Variants in QRICH1 observed in about 807,000 individuals in gnomAD.
The protein encoded by QRICH1 is glutamine rich 1.
Under a neutral mutation model 87.1 loss-of-function variants are expected in QRICH1, and 16 were observed. The observed-to-expected ratio is 0.18, with a 90% confidence interval of 0.12 to 0.28. The LOEUF is 0.28. QRICH1 is among the 10% of genes least tolerant of loss of function. QRICH1 has a pLI of 1.00. For synonymous variants in QRICH1, 367 were observed against 368.4 expected, an observed-to-expected ratio of 1.00 and a Z score of 0.05; for missense variants, 647 against 951.7, an observed-to-expected ratio of 0.68 and a Z score of 4.21.
intron 2 of QRICH1, among the ~76,000 whole-genome samples, chr3:49,073,310 G>T (rs1382393045): frequency 1.3e-5 from 2 of 152,078 alleles, no homozygotes; most frequent in Non-Finnish European, 2.9e-5. Flanking sequence ...GGAGGCCAAG[G>T]CCGGTGGATC....
At chr3:49,048,564 G>A (rs2093352139) in intron 3 of QRICH1, among the ~76,000 whole-genome samples, 2 of 151,200 alleles carry the variant, frequency 1.3e-5, no homozygotes, top group East Asian at 2.0e-4. Context: ...CGAGGTGGGT[G>A]GATCACGAGG....
At position 49,033,169 on chromosome 3, in the gene QRICH1, C is replaced by T; in HGVS notation, c.1846G>A (p.Ala616Thr). 1 of 1,586,764 alleles carries T rather than the reference C, an allele frequency of 6.3e-7. No homozygotes were observed. Among genetic ancestry groups the T allele is most frequent in the Non-Finnish European group, 8.6e-7 (1 of 1,167,634 alleles). ...GTCAGCAAGGTGGAGGGGGAGTGAG[C>T]CCCAAGCTGCTTGCACTCCCATAGC... ...EMLWECKQLG[A>T]HSPSTLLTTL... Residue 616 changes from alanine (A) to threonine (T), a missense_variant, in exon 7 of 10, where the codon GCT becomes ACT. Around this residue, in one of 7 missense-constraint regions of QRICH1, gnomAD observed 187 missense variants for 309.5 expected, o/e 0.60. Transcript: ENST00000395443.
At chr3:49,051,837 A>G (rs374096979) in intron 3 of QRICH1, among the ~76,000 whole-genome samples, 2 of 152,190 alleles carry the variant, frequency 1.3e-5, no homozygotes, top group East Asian at 3.9e-4. Flanking sequence ...GGCCCCCTTC[A>G]CTGTGTGCTT....
chr3:49,033,016 C>T, intron 7 of QRICH1, 104 bp downstream of exon 7: 1 of 1,031,192 alleles, frequency 9.7e-7, no homozygotes, highest in Non-Finnish European at 1.4e-6. Context: ...CTTTCAGTAG[C>T]CCAGTTTCTC....
chr3:49,069,546 T>A (rs2093489076), intron 2 of QRICH1, among the ~76,000 whole-genome samples: 1 of 148,138 alleles, frequency 6.8e-6, no homozygotes, highest in Non-Finnish European at 1.5e-5. Flanking sequence ...GGGGGGAATT[T>A]TTTTTTTTTT....
chr3:49,066,800 G>A (rs892939553), intron 2 of QRICH1, among the ~76,000 whole-genome samples: 2 of 152,092 alleles, frequency 1.3e-5, no homozygotes, highest in African/African-American at 4.8e-5. Flanking sequence ...CATTTTGGGA[G>A]GCCAAGGCAG....
chr3:49,030,326 C>T lies in QRICH1; in HGVS notation c.*126G>A. The T allele has an allele frequency of 1.1e-6, 1 of 875,620 alleles. No individual in the cohort carries two copies. Among genetic ancestry groups the T allele is most frequent in the South Asian group, 1.8e-5 (1 of 54,264 alleles). 54.2% of individuals were successfully genotyped at this position (875,620 alleles called of 1,614,324 possible). On this transcript the variant is annotated 3_prime_UTR_variant, in exon 10 of 10. Transcript: ENST00000395443. ...TTTTCTTTTATATTTTAAACAGAAGCAGCCTGAAAGGCTTCGTAACTACAC... is the reference window on the plus strand; with the variant it reads ...TTTTCTTTTATATTTTAAACAGAAGTAGCCTGAAAGGCTTCGTAACTACAC...
At chr3:49,080,499 A>C (rs2042037489) in intron 1 of QRICH1, among the ~76,000 whole-genome samples, 2 of 152,126 alleles carry the variant, frequency 1.3e-5, no homozygotes, top group African/African-American at 4.8e-5. Flanking sequence ...AACAACAAAA[A>C]ATAATTTAAA....
intron 3 of QRICH1, chr3:49,056,613 A>C: frequency 1.5e-6 from 1 of 661,618 alleles, no homozygotes; most frequent in Non-Finnish European, 2.5e-6. Context: ...ATGGTACTTA[A>C]ACCCAAAATG....
At chr3:49,059,245 G>GT (rs2093420929) in intron 2 of QRICH1, among the ~76,000 whole-genome samples, 1 of 147,650 alleles carries the variant, frequency 6.8e-6, no homozygotes, top group African/African-American at 2.5e-5. Flanking sequence ...GATTACAGGC[G>GT]TGAGCCATCA....
intron 1 of QRICH1, among the ~76,000 whole-genome samples, chr3:49,087,553 A>G (rs2042189479): frequency 1.3e-5 from 2 of 151,824 alleles, no homozygotes; most frequent in South Asian, 2.1e-4. Context: ...TCAAAAAATA[A>G]TAAGAAAAAT....
chr3:49,043,087 C>T (rs552474206), intron 6 of QRICH1, among the ~76,000 whole-genome samples: 5 of 152,108 alleles, frequency 3.3e-5, no homozygotes, highest in African/African-American at 9.6e-5. Context: ...ACCATACTAA[C>T]GCAACATGTT....
chr3:49,065,782 G>A (rs1279605373), intron 2 of QRICH1, among the ~76,000 whole-genome samples: 1 of 151,622 alleles, frequency 6.6e-6, no homozygotes, highest in Non-Finnish European at 1.5e-5. Context: ...CCGGGTTCAC[G>A]CCATTCTCCT....
In QRICH1 at chr3:49,032,233, C is replaced by A; in HGVS notation, c.2088G>T (p.Glu696Asp). The change falls in exon 9 of 10, where the codon GAG becomes GAT. Residue 696 changes from glutamate (E) to aspartate (D), a missense_variant. Around this residue, in one of 7 missense-constraint regions of QRICH1, gnomAD observed 187 missense variants for 309.5 expected, o/e 0.60. Coordinates refer to ENST00000395443, the MANE Select transcript of QRICH1 (RefSeq NM_198880.3). Reference protein sequence around the residue: ...DMYAEQTENPENPLRCPIKLY... With the variant: ...DMYAEQTENPDNPLRCPIKLY... ...GCTTGATGGGACATCTCAATGGATT[C>A]TCTGGATTTTCCGTCTGTTCTGCAT... The A allele has an allele frequency of 1.9e-6, 3 of 1,614,004 alleles. No homozygotes were observed. Among genetic ancestry groups the A allele is most frequent in the Non-Finnish European group, 1.7e-6 (2 of 1,179,862 alleles).
At chr3:49,088,733 C>T (rs1267238344) in intron 1 of QRICH1, among the ~76,000 whole-genome samples, 1 of 151,336 alleles carries the variant, frequency 6.6e-6, no homozygotes, top group Non-Finnish European at 1.5e-5. Flanking sequence ...TCAAACAATC[C>T]TCCTGCCTCT....
chr3:49,056,530 C>T (rs1018270988), intron 3 of QRICH1, among the ~76,000 whole-genome samples: 2 of 152,044 alleles, frequency 1.3e-5, no homozygotes, highest in Non-Finnish European at 1.5e-5. Context: ...AGCACTGGGA[C>T]ACACTTGAGG....
intron 2 of QRICH1, among the ~76,000 whole-genome samples, chr3:49,069,871 ATATGTG>A (rs1213594719): frequency 6.6e-6 from 1 of 152,134 alleles, no homozygotes; most frequent in African/African-American, 2.4e-5. Flanking sequence ...GTAAGTATAC[ATATGTG>A]TATGTGTGTG....
chr3:49,047,842 G>C (rs551591403), intron 3 of QRICH1, among the ~76,000 whole-genome samples: 1 of 151,902 alleles, frequency 6.6e-6, no homozygotes, highest in Non-Finnish European at 1.5e-5. Context: ...CTGAGGGGGA[G>C]CCAAGGTATC....
chr3:49,044,098 C>G (rs190019251), intron 6 of QRICH1, among the ~76,000 whole-genome samples: 202 of 152,250 alleles, frequency 1.3e-3, no homozygotes, highest in Non-Finnish European at 1.6e-3. Flanking sequence ...GTCCATAATC[C>G]TTAATTGTTA....
Sources: gnomAD v4.1 joint callset for allele counts (sites outside exome capture counted in the v4.1 genomes callset) on GRCh38, gnomAD v4.1.1 for gene constraint, gnomAD v4.1.1 regional missense constraint, MANE v1.5 for transcripts, NCBI Gene and HGNC (gene_info 2026-07-23, HGNC 2026-07-21) for gene names.